The following PIWIL2 variants were observed in gnomAD, a reference collection of about 807,000 sequenced individuals.
PIWIL2 encodes piwi-like protein 2.
A neutral mutation model predicts 116.5 loss-of-function variants in PIWIL2; 81 were observed. That is an observed-to-expected ratio of 0.70 (90% CI 0.58 to 0.84). PIWIL2 has a LOEUF of 0.84. Ranked by LOEUF, PIWIL2 falls within the 40% of genes least tolerant of loss-of-function variation. The probability of loss-of-function intolerance (pLI) is 0.00; values close to 1 mark genes in which losing one functional copy is unlikely to be tolerated. For synonymous variants in PIWIL2, 489 were observed against 429.5 expected (o/e 1.14, Z -1.71); for missense variants, 1,272 against 1,212.3 (o/e 1.05, Z -0.73).
chr8:22,335,673 G>A (rs1439331166), intron 20 of PIWIL2, among the ~76,000 whole-genome samples: 2 of 149,830 alleles, frequency 1.3e-5, no homozygotes, highest in African/African-American at 2.5e-5. Flanking sequence ...TCGGCCTCCC[G>A]AATAGCTGGG....
Position 22,288,478 on chromosome 8 carries a change from T to G in PIWIL2, c.862-64T>G, listed in dbSNP as rs1211033259. On this transcript the variant is annotated intron_variant, in intron 7 of 22. Coordinates refer to ENST00000356766, the MANE Select transcript of PIWIL2 (RefSeq NM_018068.5). The stretch of plus-strand genomic sequence containing the variant: ...TCTTAAGAACACAGTTGAATTAGAT[T>G]AGGACTTGGTCATTAGTTCTTAGTT... 5.1e-5 allele frequency: 69 copies of G among 1,349,608 alleles called. No individual in the cohort carries two copies. In the Middle Eastern group the frequency reaches 6.1e-4, roughly 12 times the overall value. 83.6% of individuals were successfully genotyped at this position (1,349,608 alleles called of 1,614,324 possible). A position where few individuals can be genotyped will look rare whatever the true frequency, so the allele number is the denominator to read the frequency against.
chr8:22,305,882 G>A (rs1421802518), intron 12 of PIWIL2, 45 bp from the exon 13 acceptor site: 4 of 1,396,784 alleles, frequency 2.9e-6, no homozygotes, highest in Admixed American at 3.4e-5. Flanking sequence ...GGGAACATGA[G>A]CCTCTTGTAC....
At chr8:22,334,360 A>G (rs1831930841) in intron 20 of PIWIL2, among the ~76,000 whole-genome samples, 1 of 151,828 alleles carries the variant, frequency 6.6e-6, no homozygotes, top group Admixed American at 6.6e-5. Context: ...CATCTCTACT[A>G]AAAATACAAA....
At chr8:22,318,956 C>T (rs1831531974) in intron 20 of PIWIL2, among the ~76,000 whole-genome samples, 1 of 152,180 alleles carries the variant, frequency 6.6e-6, no homozygotes, top group South Asian at 2.1e-4. Flanking sequence ...TGGCTCTTTT[C>T]ATTTTGGTTC....
intron 20 of PIWIL2, among the ~76,000 whole-genome samples, chr8:22,337,411 G>A (rs886918739): frequency 6.6e-6 from 1 of 152,074 alleles, no homozygotes; most frequent in African/African-American, 2.4e-5. Context: ...ATAAAAATAA[G>A]CTATGTAGGA....
chr8:22,347,885 C>T (rs189338144), intron 20 of PIWIL2, among the ~76,000 whole-genome samples: 338 of 152,108 alleles, frequency 2.2e-3, no homozygotes, highest in African/African-American at 7.6e-3. Flanking sequence ...AAATCTCTTA[C>T]ACTCCTCTGT....
intron 18 of PIWIL2, 48 bp downstream of exon 18, chr8:22,315,193 A>G: frequency 9.7e-7 from 1 of 1,028,350 alleles, no homozygotes; most frequent in Middle Eastern, 2.4e-4. Flanking sequence ...AGAATCCTCC[A>G]AGCTGTTTTC....
intron 16 of PIWIL2, 70 bp downstream of exon 16, chr8:22,311,370 A>G (rs1454323280): frequency 1.6e-6 from 2 of 1,223,772 alleles, no homozygotes; most frequent in East Asian, 2.5e-5. Flanking sequence ...ATTTTAATGT[A>G]TCATGGTTAT....
At chr8:22,285,129 G>A (rs545978723) in intron 6 of PIWIL2, among the ~76,000 whole-genome samples, 9 of 152,128 alleles carry the variant, frequency 5.9e-5, no homozygotes, top group African/African-American at 9.6e-5. Context: ...TGAAATACAC[G>A]CTGTTGTTAA....
Position 22,355,409 on chromosome 8 carries a change from T to C in PIWIL2, c.2826T>C (p.Ala942=). 1 of 1,614,158 alleles carries C rather than the reference T, an allele frequency of 6.2e-7. No homozygotes were observed. The highest frequency in any genetic ancestry group is 1.1e-5 in the South Asian group (1 of 91,084). The change falls in exon 23 of 23, where the codon GCT becomes GCC. Residue 942 remains alanine, a synonymous_variant. Transcript: ENST00000356766. ...WNWPGTIRVP[A]PCKYAHKLAF... ...GGCCTGGCACCATCAGAGTTCCAGC[T>C]CCTTGCAAGTATGCCCACAAGCTAG... is the stretch of plus-strand genomic sequence containing the variant.
rs528738639 is a variant in PIWIL2, at chr8:22,315,969, G to T, written c.2209-276G>T. Among the ~76,000 whole-genome samples the T allele has an allele frequency of 2.6e-5, 4 of 152,262 alleles. No individual in the cohort carries two copies. The South Asian group carries it at 8.3e-4, about 32-fold the overall frequency. ...GTGCTCAAAAGCTTTTCAGATTTGGGAATGCTCAACCTGTGTTTTCTACAG... is the reference window on the plus strand; with the variant it reads ...GTGCTCAAAAGCTTTTCAGATTTGGTAATGCTCAACCTGTGTTTTCTACAG... On this transcript the variant is annotated intron_variant, in intron 18 of 22. Transcript: ENST00000356766.
At chr8:22,277,241 T>C (rs1830398658) in intron 1 of PIWIL2, among the ~76,000 whole-genome samples, 1 of 152,072 alleles carries the variant, frequency 6.6e-6, no homozygotes, top group African/African-American at 2.4e-5. Context: ...ACGCTGCTCT[T>C]GAGCTCCTGA....
intron 20 of PIWIL2, among the ~76,000 whole-genome samples, chr8:22,323,051 C>T (rs538070002): frequency 7.5e-5 from 11 of 146,736 alleles, no homozygotes; most frequent in Admixed American, 5.5e-4. Context: ...GTAGCTGGGA[C>T]CACAGGCACA....
intron 20 of PIWIL2, among the ~76,000 whole-genome samples, chr8:22,351,753 G>A (rs1832368127): frequency 6.6e-6 from 1 of 151,472 alleles, no homozygotes; most frequent in African/African-American, 2.4e-5. Context: ...TGGCCAGGGT[G>A]GTCTTGAACT....
chr8:22,284,785 A>G (rs1051684102), intron 6 of PIWIL2, among the ~76,000 whole-genome samples: 1 of 152,204 alleles, frequency 6.6e-6, no homozygotes, highest in Non-Finnish European at 1.5e-5. Context: ...AGATAACTGC[A>G]GTTTTATATC....
At position 22,279,436 on chromosome 8, in the gene PIWIL2, C is replaced by A. The variant is rs185190950; in HGVS notation, c.50C>A (p.Ser17Tyr). 4.3e-6 allele frequency: 7 copies of A among 1,614,204 alleles called. No homozygotes were observed. In the Admixed American group the frequency reaches 1.2e-4, roughly 27 times the overall value. ...SFRGQSPIHP[S>Y]QCQAVRMPGC... ...AGGGGCCAGTCTCCTATCCACCCAT[C>A]CCAGTGCCAGGCTGTACGGATGCCA... Residue 17 changes from serine (S) to tyrosine (Y), a missense_variant, in exon 2 of 23, where the codon TCC (serine) becomes TAC (tyrosine). Ser to Tyr is a moderately radical substitution (Grantham distance 144, BLOSUM62 -2). Transcript: ENST00000356766.
At position 22,316,304 on chromosome 8, in the gene PIWIL2, C is replaced by G; in HGVS notation, c.2268C>G (p.Ser756=). Reference sequence around the variant, plus strand: ...ATGACCCCAGTAGAGGCATGCGCTCCGTGGTTGGCTTCGTGGCAAGCATCA... The same window carrying G: ...ATGACCCCAGTAGAGGCATGCGCTCGGTGGTTGGCTTCGTGGCAAGCATCA... ...VYHDPSRGMR[S]VVGFVASINL... Residue 756 remains serine, a synonymous_variant, in exon 19 of 23, where the codon TCC becomes TCG. Transcript: ENST00000356766. 6.2e-7 allele frequency: 1 copy of G among 1,612,342 alleles called. No individual in the cohort carries two copies. Among genetic ancestry groups the G allele is most frequent in the Non-Finnish European group, 8.5e-7 (1 of 1,178,464 alleles).
intron 10 of PIWIL2, among the ~76,000 whole-genome samples, chr8:22,295,336 G>C (rs1563363579): frequency 9.8e-6 from 1 of 102,178 alleles, no homozygotes; most frequent in African/African-American, 4.2e-5. Context: ...ACTATGCTCA[G>C]CTTTTTTTTT....
rs892290330 is a variant in PIWIL2 at position 22,299,373 on chromosome 8, G to A, written c.1182-4648G>A. Reference sequence around the variant, plus strand: ...TTACAGGCATGTGCCACCACACCTGGCTAACTGTATTTTTAGTAGAGACAG... The same window carrying A: ...TTACAGGCATGTGCCACCACACCTGACTAACTGTATTTTTAGTAGAGACAG... On this transcript the variant is annotated intron_variant, in intron 10 of 22. Coordinates refer to ENST00000356766, the MANE Select transcript of PIWIL2 (RefSeq NM_018068.5). Among the ~76,000 whole-genome samples the A allele has an allele frequency of 1.1e-4, 17 of 152,010 alleles. No homozygotes were observed. The East Asian group carries it at 3.3e-3, about 29-fold the overall frequency.
Sources: allele counts gnomAD v4.1 joint callset (sites outside exome capture counted in the v4.1 genomes callset), GRCh38; gene constraint gnomAD v4.1.1; transcripts MANE v1.5; gene names NCBI Gene and HGNC (gene_info 2026-07-23, HGNC 2026-07-21).